Variants in CHD2 observed in about 807,000 individuals in gnomAD.
CHD2 encodes the protein ATP-dependent chromatin remodeler CHD2.
In CHD2, 28 loss-of-function variants were observed where a neutral mutation model predicts 243.9. That is an observed-to-expected ratio of 0.11 (90% CI 0.09 to 0.16). The LOEUF (loss-of-function observed/expected upper bound fraction) is 0.16, where lower values mean the gene tolerates loss of function less well. CHD2 is among the 10% of genes least tolerant of loss of function. The pLI is 1.00. For missense variants in CHD2, 1,386 were observed against 2,209.8 expected, an observed-to-expected ratio of 0.63 and a Z score of 7.47; for synonymous variants, 775 against 779.0, an observed-to-expected ratio of 0.99 and a Z score of 0.09.
chr15:92,940,743 A>G (rs2053348311), intron 7 of CHD2, among the ~76,000 whole-genome samples: 2 of 146,858 alleles, frequency 1.4e-5, no homozygotes, highest in South Asian at 4.2e-4. Context: ...TTAATATGTG[A>G]TAGGAAGTTA....
chr15:92,928,883 A>T (rs962319483), intron 4 of CHD2, 147 bp from the exon 5 acceptor site: 1 of 596,196 alleles, frequency 1.7e-6, no homozygotes, highest in Non-Finnish European at 2.8e-6. Flanking sequence ...AGGGAGTTCC[A>T]CCAAGCAAGT....
At chr15:92,926,011 C>T (rs934680294) in intron 3 of CHD2, among the ~76,000 whole-genome samples, 4 of 152,050 alleles carry the variant, frequency 2.6e-5, no homozygotes, top group Non-Finnish European at 5.9e-5. Context: ...TTGCTCTGTC[C>T]CCCAGGCTGG....
chr15:92,945,668 G>C (rs1391726024), intron 10 of CHD2, 153 bp from the exon 11 acceptor site: 4 of 437,598 alleles, frequency 9.1e-6, no homozygotes, highest in African/African-American at 6.2e-5. Context: ...AAAGTGCTGG[G>C]ATTACAGGCG....
intron 16 of CHD2, among the ~76,000 whole-genome samples, chr15:92,959,485 G>A (rs2053657842): frequency 6.6e-6 from 1 of 151,892 alleles, no homozygotes. Context: ...GCTTTCGACT[G>A]TTTTTTTATT....
At chr15:92,929,177 C>A in intron 5 of CHD2, 86 bp downstream of exon 5, 1 of 1,274,668 alleles carries the variant, frequency 7.8e-7, no homozygotes, top group Non-Finnish European at 1.1e-6. Context: ...TGTCTTTAGT[C>A]TACTCCAGGT....
At chr15:92,976,664 A>G (rs1483103598) in intron 20 of CHD2, among the ~76,000 whole-genome samples, 2 of 151,972 alleles carry the variant, frequency 1.3e-5, no homozygotes, top group Non-Finnish European at 2.9e-5. Flanking sequence ...AAAAAAAAAA[A>G]AAAAAGTTTC....
chr15:92,998,675 A>C lies in CHD2; in HGVS notation c.4008+54A>C. ...CAGGGGCCTGAGGCTCCTACCCTGCAGAATTAGGTAGGAAGAGAGAGGCCC... is the reference window on the plus strand; with the variant it reads ...CAGGGGCCTGAGGCTCCTACCCTGCCGAATTAGGTAGGAAGAGAGAGGCCC... On this transcript the variant is annotated intron_variant, in intron 31 of 38. Coordinates refer to ENST00000394196, the MANE Select transcript of CHD2 (RefSeq NM_001271.4). The surrounding 1 kb of genome is among the most constrained non-coding windows in gnomAD (Gnocchi z 5.1). 3 of 1,586,952 alleles carry C rather than the reference A, an allele frequency of 1.9e-6. No homozygotes were observed. Among genetic ancestry groups the C allele is most frequent in the Middle Eastern group, 2.3e-4 (1 of 4,316 alleles).
At position 92,998,186 on chromosome 15, in the gene CHD2, C is replaced by T. The variant is rs1463960292; in HGVS notation, c.3886-313C>T. On this transcript the variant is annotated intron_variant, in intron 30 of 38. Coordinates refer to ENST00000394196, the MANE Select transcript of CHD2 (RefSeq NM_001271.4). This position sits in a 1 kb window ranked among gnomAD's most constrained non-coding sequence, Gnocchi z 5.1. ...CCTGCTCCTGGAAGGAGGAAATCCA[C>T]GACGGCTGGGATGCTCTAGCAGATG... 6.7e-6 allele frequency: 7 copies of T among 1,046,068 alleles called. No homozygotes were observed. The highest frequency in any genetic ancestry group is 1.7e-5 in the African/African-American group (1 of 59,526). The allele number at this position is 1,046,068 out of a possible 1,614,324, so 64.8% of individuals were successfully genotyped here. A position where few individuals can be genotyped will look rare whatever the true frequency, so the allele number is the denominator to read the frequency against.
At chr15:93,020,589 C>G in intron 38 of CHD2, 2 of 509,548 alleles carry the variant, frequency 3.9e-6, no homozygotes, top group Non-Finnish European at 7.0e-6. Flanking sequence ...TCAGGGATCC[C>G]GAGATGGGTA....
At chr15:92,923,534 A>G (rs1254473497) in intron 2 of CHD2, among the ~76,000 whole-genome samples, 1 of 145,082 alleles carries the variant, frequency 6.9e-6, no homozygotes, top group African/African-American at 2.6e-5. Flanking sequence ...TGTTGGGATT[A>G]TAGGCTTGAG....
intron 2 of CHD2, among the ~76,000 whole-genome samples, chr15:92,908,514 C>T (rs774345301): frequency 1.6e-4 from 25 of 152,090 alleles, no homozygotes; most frequent in Non-Finnish European, 2.4e-4. Flanking sequence ...TACCAGTGTC[C>T]ATCCCTGCCC....
chr15:92,916,134 C>T (rs1440729948), intron 2 of CHD2, among the ~76,000 whole-genome samples: 1 of 152,212 alleles, frequency 6.6e-6, no homozygotes, highest in East Asian at 1.9e-4. Flanking sequence ...TCCAGTTGTC[C>T]GGCCTTTCCA....
chr15:92,930,744 C>T (rs1297065898), intron 5 of CHD2, among the ~76,000 whole-genome samples: 1 of 152,142 alleles, frequency 6.6e-6, no homozygotes, highest in East Asian at 1.9e-4. Context: ...CTTAAGAATT[C>T]CCCAAAGTTG....
At position 92,954,791 on chromosome 15, in the gene CHD2, C is replaced by A. The variant is rs143860770; in HGVS notation, c.1720-632C>A. On this transcript the variant is annotated intron_variant, in intron 14 of 38. Coordinates refer to ENST00000394196, the MANE Select transcript of CHD2 (RefSeq NM_001271.4). ...GGGGGCGATCACCTGCAGGCACTTA[C>A]TGTCTTGTTCTCCAGTTCCTAACTT... Among the ~76,000 whole-genome samples the A allele has an allele frequency of 3.9e-5, 6 of 152,310 alleles. No homozygotes were observed. In the East Asian group the frequency reaches 9.7e-4, roughly 25 times the overall value.
chr15:92,961,876 C>CTTTTTTT (rs3064790), intron 16 of CHD2, among the ~76,000 whole-genome samples: 2,338 of 77,970 alleles, frequency 0.03, 72 homozygotes, highest in East Asian at 0.07. Context: ...TTTTTCTTCT[C>CTTTTTTT]TTTTTTTTTT....
At chr15:92,906,278 C>A (rs956411777) in intron 2 of CHD2, among the ~76,000 whole-genome samples, 2 of 152,016 alleles carry the variant, frequency 1.3e-5, no homozygotes, top group Non-Finnish European at 2.9e-5. Flanking sequence ...TGTATCCTTG[C>A]CGTTTAAAAT....
At chr15:92,982,146 T>C (rs2053987826) in intron 24 of CHD2, among the ~76,000 whole-genome samples, 1 of 152,204 alleles carries the variant, frequency 6.6e-6, no homozygotes, top group Non-Finnish European at 1.5e-5. Flanking sequence ...AGGAAATGAT[T>C]TGATGGCACA....
chr15:93,000,910 C>G (rs778989773), intron 32 of CHD2, among the ~76,000 whole-genome samples: 2 of 152,316 alleles, frequency 1.3e-5, no homozygotes, highest in Middle Eastern at 3.4e-3. Flanking sequence ...CTCTTGTCCG[C>G]GAGGCTGGAG....
chr15:92,984,721 T>C (rs887916776), intron 25 of CHD2, among the ~76,000 whole-genome samples: 2 of 152,188 alleles, frequency 1.3e-5, no homozygotes, highest in African/African-American at 2.4e-5. Context: ...AATTGGCTCT[T>C]TGTGAAGCTG....
Sources: gnomAD v4.1 joint callset for allele counts (sites outside exome capture counted in the v4.1 genomes callset) on GRCh38, gnomAD v4.1.1 for gene constraint, Gnocchi (gnomAD v3.1) non-coding constraint, MANE v1.5 for transcripts, NCBI Gene and HGNC (gene_info 2026-07-23, HGNC 2026-07-21) for gene names.